CAST: variants seen among roughly 807,000 people sequenced by gnomAD.
CAST encodes MIR583 host.
CAST carries 76 observed loss-of-function variants against 119.6 expected under a neutral mutation model. The ratio of observed to expected loss-of-function variants is 0.64; its 90% CI spans 0.53 to 0.77. The LOEUF is 0.77. CAST is among the 30% of genes least tolerant of loss of function. The probability of loss-of-function intolerance (pLI) is 0.00; values close to 1 mark genes in which losing one functional copy is unlikely to be tolerated. For synonymous variants in CAST, 319 were observed against 331.6 expected (o/e 0.96, Z 0.41); for missense variants, 953 against 946.5 (o/e 1.01, Z -0.09).
chr5:96,754,726 A>G lies in CAST; in HGVS notation c.1695A>G (p.Arg565=). The G allele has an allele frequency of 6.3e-7, 1 of 1,597,604 alleles. No homozygotes were observed. Among genetic ancestry groups the G allele is most frequent in the Non-Finnish European group, 8.6e-7 (1 of 1,165,378 alleles). ...EKEETIPPDY[R]LEEVKDKDGK... is the part of the protein sequence containing the mutation. The stretch of plus-strand genomic sequence containing the variant: ...AAGAAACAATTCCTCCTGATTATAG[A>G]TTAGAAGAGGTCAAGGTAAACAGGC... Residue 565 remains arginine (R), a synonymous_variant, in exon 22 of 32, where the codon AGA becomes AGG. Coordinates refer to ENST00000675179, the MANE Select transcript of CAST (RefSeq NM_001750.7).
chr5:96,075,732 A>G, the CAST span, among the ~76,000 whole-genome samples: 3 of 152,196 alleles, frequency 2.0e-5, no homozygotes, highest in Non-Finnish European at 4.4e-5. Flanking sequence ...TTCTGGAAGG[A>G]TCATTTTTAA....
intron 1 of CAST, among the ~76,000 whole-genome samples, chr5:96,561,125 TCTCA>T (rs755693194): frequency 2.8e-4 from 40 of 142,890 alleles, no homozygotes; most frequent in Admixed American, 5.3e-4. Flanking sequence ...CACCACATGT[TCTCA>T]CTCACAGATG....
At chr5:96,396,806 A>T in the CAST span, among the ~76,000 whole-genome samples, 1 of 152,254 alleles carries the variant, frequency 6.6e-6, no homozygotes, top group Non-Finnish European at 1.5e-5. Context: ...GAATGTTAGT[A>T]AACAGAATGA....
chr5:96,159,983 A>T, the CAST span, among the ~76,000 whole-genome samples: 1 of 139,458 alleles, frequency 7.2e-6, no homozygotes, highest in Admixed American at 7.0e-5. Context: ...AAAAAAAAAA[A>T]TCAAAAATTA....
the CAST span, among the ~76,000 whole-genome samples, chr5:96,073,447 C>G: frequency 6.6e-6 from 1 of 152,106 alleles, no homozygotes; most frequent in Non-Finnish European, 1.5e-5. Flanking sequence ...CCCAGAAGAC[C>G]AGCTAATGAG....
At chr5:96,602,348 G>T (rs1452025314) in intron 1 of CAST, among the ~76,000 whole-genome samples, 2 of 152,224 alleles carry the variant, frequency 1.3e-5, no homozygotes, top group Non-Finnish European at 2.9e-5. Flanking sequence ...GCCCTGGAAT[G>T]AAGCAGCGTC....
At chr5:95,986,988 C>G in the CAST span, among the ~76,000 whole-genome samples, 1 of 152,106 alleles carries the variant, frequency 6.6e-6, no homozygotes. Flanking sequence ...GCAGACAAGC[C>G]TGGACAGCTG....
intron 1 of CAST, among the ~76,000 whole-genome samples, chr5:96,650,478 C>T (rs1176693299): frequency 2.0e-5 from 3 of 152,154 alleles, no homozygotes; most frequent in African/African-American, 7.2e-5. Flanking sequence ...CCTGTCTTAT[C>T]CTGATGACTA....
intron 1 of CAST, among the ~76,000 whole-genome samples, chr5:96,590,973 G>C (rs776452580): frequency 3.9e-5 from 6 of 152,184 alleles, no homozygotes; most frequent in Non-Finnish European, 8.8e-5. Context: ...ATTGCTTGAC[G>C]GTGTTTCATG....
chr5:96,031,232 CAA>C, the CAST span, among the ~76,000 whole-genome samples: 28 of 63,628 alleles, frequency 4.4e-4, no homozygotes, highest in Non-Finnish European at 7.3e-4. Context: ...AGAACATGAC[CAA>C]AAAAAAAAAA....
At chr5:96,478,472 C>T in the CAST span, among the ~76,000 whole-genome samples, 849 of 152,322 alleles carry the variant, frequency 5.6e-3, 11 homozygotes, top group African/African-American at 0.019. Flanking sequence ...CCTTGTCACA[C>T]TCCATTCTTG....
chr5:96,612,999 C>G (rs1747389894), intron 1 of CAST, among the ~76,000 whole-genome samples: 1 of 152,126 alleles, frequency 6.6e-6, no homozygotes, highest in Non-Finnish European at 1.5e-5. Context: ...CTTCATGTAT[C>G]CAATTTCCAA....
the CAST span, among the ~76,000 whole-genome samples, chr5:96,194,796 T>C: frequency 6.6e-6 from 1 of 152,220 alleles, no homozygotes; most frequent in East Asian, 1.9e-4. Flanking sequence ...TAATTTGCCA[T>C]ATCAGCATTT....
chr5:96,534,737 G>GAGAGAGAGAA (rs1561408818), intron 1 of CAST, among the ~76,000 whole-genome samples: 8 of 14,230 alleles, frequency 5.6e-4, no homozygotes, highest in South Asian at 3.9e-3. Context: ...GAGAGAGAGA[G>GAGAGAGAGAA]AGAGAAAGAA....
the CAST span, among the ~76,000 whole-genome samples, chr5:96,233,751 C>T: frequency 2.6e-5 from 4 of 152,036 alleles, no homozygotes; most frequent in Non-Finnish European, 1.5e-5. Flanking sequence ...TGTTAGAACA[C>T]AATAATTAGC....
chr5:96,427,552 G>T, the CAST span, among the ~76,000 whole-genome samples: 105,919 of 152,038 alleles, frequency 0.7, 37,879 homozygotes, highest in African/African-American at 0.87. Flanking sequence ...TGCTGGAGAA[G>T]GAATTCTTAG....
At chr5:96,744,088 G>A (rs895541749) in intron 16 of CAST, among the ~76,000 whole-genome samples, 1 of 152,134 alleles carries the variant, frequency 6.6e-6, no homozygotes, top group Admixed American at 6.5e-5. Context: ...CATAAAATAA[G>A]TTATTTAAAC....
At chr5:95,997,777 A>G in the CAST span, among the ~76,000 whole-genome samples, 1 of 152,040 alleles carries the variant, frequency 6.6e-6, no homozygotes, top group East Asian at 1.9e-4. Context: ...CAGAAACTCT[A>G]TGCCATAGTT....
At chr5:96,435,305 A>T in the CAST span, among the ~76,000 whole-genome samples, 3 of 152,224 alleles carry the variant, frequency 2.0e-5, no homozygotes, top group Non-Finnish European at 4.4e-5. Context: ...AGCCTGGAAT[A>T]AACATTTGGT....
Sources: gnomAD v4.1 joint callset for allele counts (sites outside exome capture counted in the v4.1 genomes callset) on GRCh38, gnomAD v4.1.1 for gene constraint, MANE v1.5 for transcripts, NCBI Gene and HGNC (gene_info 2026-07-23, HGNC 2026-07-21) for gene names.